Variants in CNTN4 observed in about 807,000 individuals in gnomAD.
CNTN4 encodes the protein contactin 4, also known as contactin-4.
CNTN4 carries 77 observed loss-of-function variants against 122.5 expected under a neutral mutation model. That is an observed-to-expected ratio of 0.63 (90% confidence interval 0.52 to 0.76). The LOEUF (loss-of-function observed/expected upper bound fraction) is 0.76. CNTN4 is among the 30% of genes least tolerant of loss of function. CNTN4 has a pLI of 0.00. For synonymous variants in CNTN4, 512 were observed against 447.0 expected, an observed-to-expected ratio of 1.15 and a Z score of -1.83; for missense variants, 1,256 against 1,259.1, an observed-to-expected ratio of 1.00 and a Z score of 0.04.
intron 10 of CNTN4, among the ~76,000 whole-genome samples, chr3:2,895,858 C>T (rs1184169222): frequency 6.6e-6 from 1 of 152,120 alleles, no homozygotes; most frequent in Non-Finnish European, 1.5e-5. Context: ...CAGGGTGAAA[C>T]CCCGTCTCTA....
At chr3:2,564,674 A>G (rs1277796029) in intron 3 of CNTN4, among the ~76,000 whole-genome samples, 1 of 152,044 alleles carries the variant, frequency 6.6e-6, no homozygotes, top group Non-Finnish European at 1.5e-5. Flanking sequence ...ATCTTATCCC[A>G]GTGATCTTTT....
rs143260325 is a variant in CNTN4, at chr3:2,248,794, C to T, written c.-144-90384C>T. On this transcript the variant is annotated intron_variant, in intron 2 of 24. Transcript: ENST00000418658. The stretch of plus-strand genomic sequence containing the variant: ...ACAGAACAAACATGCATTCTCCTGA[C>T]GATATAAAACAGGATATTGTAGATT... Among the ~76,000 whole-genome samples, 591 of 151,920 alleles carry T rather than the reference C, an allele frequency of 3.9e-3. 2 individuals carry two copies. Among genetic ancestry groups the T allele is most frequent in the Middle Eastern group, 0.014 (4 of 294 alleles).
intron 4 of CNTN4, among the ~76,000 whole-genome samples, chr3:2,729,286 C>A (rs71311721): frequency 6.0e-4 from 91 of 152,126 alleles, no homozygotes; most frequent in African/African-American, 1.7e-3. Flanking sequence ...TGAAAGTGGC[C>A]GGGCGCGGTG....
At chr3:2,927,670 T>C (rs1244789085) in intron 13 of CNTN4, 1 of 157,828 alleles carries the variant, frequency 6.3e-6, no homozygotes. Flanking sequence ...GTGAATTTAA[T>C]TGATTGTTTC....
chr3:2,716,979 G>C (rs138426870), intron 4 of CNTN4, among the ~76,000 whole-genome samples: 61 of 152,130 alleles, frequency 4.0e-4, no homozygotes, highest in African/African-American at 1.4e-3. Flanking sequence ...ATATTCCACT[G>C]TATTGATCTA....
chr3:2,495,612 C>G (rs2076432454), intron 3 of CNTN4, among the ~76,000 whole-genome samples: 1 of 152,196 alleles, frequency 6.6e-6, no homozygotes, highest in East Asian at 1.9e-4. Flanking sequence ...TGCCTCCTAT[C>G]AGGTCAGTGG....
Position 2,165,570 on chromosome 3 carries a change from T to A in CNTN4, c.-145+64931T>A, listed in dbSNP as rs556164589. Reference sequence around the variant, plus strand: ...GTACTCTCTTTGTAAATTTCAAGTATACAATACATTATTACTAACTATATT... The same window carrying A: ...GTACTCTCTTTGTAAATTTCAAGTAAACAATACATTATTACTAACTATATT... On this transcript the variant is annotated intron_variant, in intron 2 of 24. Coordinates refer to ENST00000418658, the MANE Select transcript of CNTN4 (RefSeq NM_175607.3). 2.0e-5 allele frequency among the ~76,000 whole-genome samples: 3 copies of A among 152,294 alleles called. No homozygotes were observed. In the East Asian group the frequency reaches 5.8e-4, roughly 29 times the overall value.
At chr3:2,885,012 T>G (rs114220128) in intron 9 of CNTN4, among the ~76,000 whole-genome samples, 1 of 152,314 alleles carries the variant, frequency 6.6e-6, no homozygotes, top group Non-Finnish European at 1.5e-5. Context: ...ATTATGTACT[T>G]TTCATAGACC....
At chr3:2,771,547 A>G (rs541822151) in intron 6 of CNTN4, among the ~76,000 whole-genome samples, 3 of 152,334 alleles carry the variant, frequency 2.0e-5, no homozygotes, top group Admixed American at 1.3e-4. Flanking sequence ...AATGGGGATG[A>G]TGTGAGTATC....
At chr3:2,904,205 G>A (rs2094205282) in intron 12 of CNTN4, among the ~76,000 whole-genome samples, 1 of 152,162 alleles carries the variant, frequency 6.6e-6, no homozygotes, top group Non-Finnish European at 1.5e-5. Context: ...AGAGCATAAT[G>A]GAAGACTATG....
intron 13 of CNTN4, among the ~76,000 whole-genome samples, chr3:2,926,184 A>G (rs1360216117): frequency 1.3e-5 from 2 of 152,124 alleles, no homozygotes; most frequent in African/African-American, 4.8e-5. Context: ...AGTGGCTATT[A>G]TGTCTCCTGT....
intron 2 of CNTN4, among the ~76,000 whole-genome samples, chr3:2,170,082 G>A (rs13075209): frequency 1.3e-5 from 2 of 150,938 alleles, no homozygotes; most frequent in East Asian, 2.0e-4. Flanking sequence ...AGCACTTTGG[G>A]AGGCCGAGGC....
In CNTN4 at chr3:2,628,842, A is replaced by G. The variant is rs564416936; in HGVS notation, c.55+57284A>G. Among the ~76,000 whole-genome samples, 3 of 152,318 alleles carry G rather than the reference A, an allele frequency of 2.0e-5. No homozygotes were observed. In the South Asian group the frequency reaches 6.2e-4, roughly 32 times the overall value. ...CAAAATTATTTTCTGGATTGTAACA[A>G]TTTGGAACTGGATATAACCCAAAAG... On this transcript the variant is annotated intron_variant, in intron 4 of 24. Coordinates refer to ENST00000418658, the MANE Select transcript of CNTN4 (RefSeq NM_175607.3).
At chr3:2,739,527 A>G (rs1043068030) in intron 5 of CNTN4, among the ~76,000 whole-genome samples, 3 of 152,190 alleles carry the variant, frequency 2.0e-5, no homozygotes, top group African/African-American at 7.2e-5. Context: ...AGCCAAATGC[A>G]TAGTATGTAA....
intron 20 of CNTN4, among the ~76,000 whole-genome samples, chr3:3,041,595 T>A (rs1410588785): frequency 6.6e-6 from 1 of 152,210 alleles, no homozygotes; most frequent in Non-Finnish European, 1.5e-5. Flanking sequence ...TTTCAGTTAT[T>A]TTTGCCAGAT....
At chr3:2,633,649 A>C (rs2082538111) in intron 4 of CNTN4, among the ~76,000 whole-genome samples, 1 of 152,134 alleles carries the variant, frequency 6.6e-6, no homozygotes, top group Non-Finnish European at 1.5e-5. Flanking sequence ...AAAACAGCTA[A>C]ATCCAAAATA....
At chr3:2,335,322 A>AGCTC (rs1421346861) in intron 2 of CNTN4, among the ~76,000 whole-genome samples, 1 of 151,544 alleles carries the variant, frequency 6.6e-6, no homozygotes, top group African/African-American at 2.4e-5. Flanking sequence ...TTATAATGAT[A>AGCTC]GCATTTATTT....
At chr3:2,937,394 G>A (rs1331269461) in intron 13 of CNTN4, among the ~76,000 whole-genome samples, 1 of 152,140 alleles carries the variant, frequency 6.6e-6, no homozygotes. Flanking sequence ...GGTGAGGGAT[G>A]GTGGCAGTGG....
In CNTN4 at chr3:2,422,176, A is replaced by G. The variant is rs556544144; in HGVS notation, c.-89+82943A>G. Among the ~76,000 whole-genome samples the G allele has an allele frequency of 5.3e-5, 8 of 152,348 alleles. No homozygotes were observed. The East Asian group carries it at 9.6e-4, about 18-fold the overall frequency. ...TTTAACCACATCTAGAGCACTGCCCATAGAGGAATGCAGACCAATTTCTGA... is the reference window on the plus strand; with the variant it reads ...TTTAACCACATCTAGAGCACTGCCCGTAGAGGAATGCAGACCAATTTCTGA... On this transcript the variant is annotated intron_variant, in intron 3 of 24. Transcript: ENST00000418658.
Sources: gnomAD v4.1 joint callset for allele counts (sites outside exome capture counted in the v4.1 genomes callset) on GRCh38, gnomAD v4.1.1 for gene constraint, MANE v1.5 for transcripts, NCBI Gene and HGNC (gene_info 2026-07-23, HGNC 2026-07-21) for gene names.